Variants in TTC1 observed in about 807,000 individuals in gnomAD.
The protein encoded by TTC1 is tetratricopeptide repeat protein 1.
Under a neutral mutation model 37.6 loss-of-function variants are expected in TTC1, and 31 were observed. The ratio of observed to expected loss-of-function variants is 0.82; its 90% CI spans 0.62 to 1.11. The LOEUF (loss-of-function observed/expected upper bound fraction) is 1.11, where lower values mean the gene tolerates loss of function less well. Among genes scored for constraint, TTC1 ranks in the 50% most tolerant of loss-of-function variants. The probability of loss-of-function intolerance (pLI) is 0.00; values close to 1 mark genes in which losing one functional copy is unlikely to be tolerated. For missense variants in TTC1, 351 were observed against 339.0 expected (o/e 1.04, Z -0.28); for synonymous variants, 127 against 122.4 (o/e 1.04, Z -0.25).
rs1561634729 is a variant in TTC1, at chr5:160,045,489, CACACACACACACACACACACACACAT to C, written c.541+2327_541+2352del. Among the ~76,000 whole-genome samples the C allele has an allele frequency of 2.2e-4, 27 of 120,058 alleles. 1 individual carries two copies. The highest frequency in any genetic ancestry group is 4.1e-4 in the Admixed American group (4 of 9,802). 78.8% of individuals were successfully genotyped at this position (120,058 alleles called of 152,430 possible). On this transcript the variant is annotated intron_variant, in intron 5 of 7. Coordinates refer to ENST00000231238, the MANE Select transcript of TTC1 (RefSeq NM_003314.3). ...ACACACACACACACACACACACACA[CACACACACACACACACACACACACAT>C]ACACACTCTCTCTCTCTCTCTCTCT...
At chr5:160,033,019 C>T (rs777388115) in intron 2 of TTC1, among the ~76,000 whole-genome samples, 1 of 152,000 alleles carries the variant, frequency 6.6e-6, no homozygotes, top group African/African-American at 2.4e-5. Flanking sequence ...CCACCACGCC[C>T]AGCCAAGTTC....
intron 2 of TTC1, among the ~76,000 whole-genome samples, chr5:160,016,453 A>G (rs970358393): frequency 1.3e-5 from 2 of 152,202 alleles, no homozygotes; most frequent in Non-Finnish European, 2.9e-5. Flanking sequence ...GCTGCCTGTA[A>G]TATAATGTCA....
In TTC1 at chr5:160,025,371, A is replaced by G. The variant is rs191761450; in HGVS notation, c.331-9769A>G. ...GAGACGGGGTTTTGCCATGTTGCCC[A>G]TGCTGGTCTCAAACTCTTGAGCTCA... On this transcript the variant is annotated intron_variant, in intron 2 of 7. Coordinates refer to ENST00000231238, the MANE Select transcript of TTC1 (RefSeq NM_003314.3). 2.8e-3 allele frequency among the ~76,000 whole-genome samples: 422 copies of G among 152,220 alleles called. 4 individuals carry two copies. The highest frequency in any genetic ancestry group is 9.8e-3 in the African/African-American group (407 of 41,524).
chr5:160,037,455 C>A (rs924562490), intron 4 of TTC1, among the ~76,000 whole-genome samples: 1 of 152,208 alleles, frequency 6.6e-6, no homozygotes, highest in Non-Finnish European at 1.5e-5. Context: ...GTGGCTCACA[C>A]CCGTAAACCC....
chr5:160,034,119 CCTAT>C (rs1469196657), intron 2 of TTC1, among the ~76,000 whole-genome samples: 1 of 150,442 alleles, frequency 6.6e-6, no homozygotes, highest in Non-Finnish European at 1.5e-5. Context: ...ATAGTGAGAC[CCTAT>C]CTCTTTTTTT....
rs184837025 is a variant in TTC1 at position 160,014,335 on chromosome 5, G to A, written c.330+3477G>A. On this transcript the variant is annotated intron_variant, in intron 2 of 7. Coordinates refer to ENST00000231238, the MANE Select transcript of TTC1 (RefSeq NM_003314.3). ...ATTGGGCCATTGCACTCCAGCCTGG[G>A]AGACAAGAGCAAAACTCCGTCTCAG... Among the ~76,000 whole-genome samples the A allele has an allele frequency of 1.4e-3, 217 of 151,862 alleles. 7 individuals are homozygous for A. Among genetic ancestry groups the A allele is most frequent in the Admixed American group, 0.013 (196 of 15,248 alleles).
intron 2 of TTC1, among the ~76,000 whole-genome samples, chr5:160,025,783 T>G (rs1023712616): frequency 5.9e-5 from 9 of 152,166 alleles, no homozygotes; most frequent in Non-Finnish European, 1.2e-4. Flanking sequence ...CTTTGTTTTA[T>G]TTAAAAGATA....
rs1046896826 is a variant in TTC1 at position 160,045,962 on chromosome 5, C to G, written c.541+2793C>G. Among the ~76,000 whole-genome samples, 3 of 152,064 alleles carry G rather than the reference C, an allele frequency of 2.0e-5. No homozygotes were observed. In the South Asian group the frequency reaches 6.2e-4, roughly 31 times the overall value. ...TTCACCATATTGGCCAGGCTGCTCT[C>G]GAACTCCTGACCTCGTGATCTGCCT... On this transcript the variant is annotated intron_variant, in intron 5 of 7. Coordinates refer to ENST00000231238, the MANE Select transcript of TTC1 (RefSeq NM_003314.3).
At chr5:160,032,813 G>A (rs1003214909) in intron 2 of TTC1, among the ~76,000 whole-genome samples, 3 of 145,410 alleles carry the variant, frequency 2.1e-5, no homozygotes, top group East Asian at 2.1e-4. Context: ...TCCCAGGTTC[G>A]AGTGATTCTC....
Position 160,043,159 on chromosome 5 carries a change from C to T in TTC1, c.531C>T (p.Asp177=), listed in dbSNP as rs928541934. ...KQDKKEMAIN[D]CSKAIQLNPS... is the part of the protein sequence containing the mutation. ...ACAAGAAAGAAATGGCCATCAATGA[C>T]TGCAGCAAAGGTACAGCTTTATTAT... The change falls in exon 5 of 8, where the codon GAC becomes GAT. Residue 177 remains aspartate (D), a synonymous_variant. Coordinates refer to ENST00000231238, the MANE Select transcript of TTC1 (RefSeq NM_003314.3). 6.2e-7 allele frequency: 1 copy of T among 1,613,452 alleles called. No homozygotes were observed. Among genetic ancestry groups the T allele is most frequent in the African/African-American group, 1.3e-5 (1 of 75,028 alleles).
rs553793813 is a variant in TTC1, at chr5:160,025,556, G to A, written c.331-9584G>A. ...GAGCAGTGTCATCCCCTTTTCAAAT[G>A]CCCTAGTTCTTGACACCAAGGGAAT... On this transcript the variant is annotated intron_variant, in intron 2 of 7. Coordinates refer to ENST00000231238, the MANE Select transcript of TTC1 (RefSeq NM_003314.3). Among the ~76,000 whole-genome samples the A allele has an allele frequency of 9.8e-5, 15 of 152,312 alleles. No individual in the cohort carries two copies. The East Asian group carries it at 2.9e-3, about 29-fold the overall frequency.
chr5:160,053,217 A>G (rs1757450181), intron 7 of TTC1, among the ~76,000 whole-genome samples: 1 of 152,216 alleles, frequency 6.6e-6, no homozygotes, highest in Non-Finnish European at 1.5e-5. Flanking sequence ...CAAGCTTTTC[A>G]CAGTGGACTG....
chr5:160,024,009 G>C, intron 2 of TTC1: 1 of 1,480,646 alleles, frequency 6.8e-7, no homozygotes. Flanking sequence ...TTTGCAAAGT[G>C]GCCTTTACAG....
At chr5:160,053,110 C>T (rs1382606054) in intron 7 of TTC1, among the ~76,000 whole-genome samples, 1 of 152,092 alleles carries the variant, frequency 6.6e-6, no homozygotes, top group Non-Finnish European at 1.5e-5. Context: ...ATTCCTTCCT[C>T]CTTGTTGCTG....
At chr5:160,059,720 G>A (rs1302504033) in intron 7 of TTC1, among the ~76,000 whole-genome samples, 2 of 152,202 alleles carry the variant, frequency 1.3e-5, no homozygotes, top group Non-Finnish European at 2.9e-5. Context: ...TCAGTTAGCT[G>A]TCTTATGCGG....
At chr5:160,028,249 A>G (rs907828138) in intron 2 of TTC1, among the ~76,000 whole-genome samples, 4 of 151,086 alleles carry the variant, frequency 2.6e-5, no homozygotes, top group Non-Finnish European at 5.9e-5. Context: ...CAGTGAGCCA[A>G]GATCACACCA....
At chr5:160,061,746 A>G in intron 7 of TTC1, 1 of 152,250 alleles carries the variant, frequency 6.6e-6, no homozygotes, top group Admixed American at 6.5e-5. Context: ...AAGGAAAAAG[A>G]ATAATTATCT....
rs1309626051 is a variant in TTC1 at position 160,017,816 on chromosome 5, A to G, written c.330+6958A>G. On this transcript the variant is annotated intron_variant, in intron 2 of 7. Transcript: ENST00000231238. ...CCCATGAGAGCCAATAATTGGCCTT[A>G]TAAGTTACAGAAATTTTTTTCTCAC... 3.9e-5 allele frequency among the ~76,000 whole-genome samples: 6 copies of G among 152,214 alleles called. No individual in the cohort carries two copies. The South Asian group carries it at 1.2e-3, about 31-fold the overall frequency.
chr5:160,041,640 T>C (rs1409252831), intron 4 of TTC1, among the ~76,000 whole-genome samples: 2 of 152,094 alleles, frequency 1.3e-5, no homozygotes, highest in Non-Finnish European at 2.9e-5. Flanking sequence ...TGACTTGCAG[T>C]GCAGTAGGTT....
Sources: allele counts gnomAD v4.1 joint callset (sites outside exome capture counted in the v4.1 genomes callset), GRCh38; gene constraint gnomAD v4.1.1; transcripts MANE v1.5; gene names NCBI Gene and HGNC (gene_info 2026-07-23, HGNC 2026-07-21).